The following SLC38A12 variants were observed in gnomAD, a reference collection of about 807,000 sequenced individuals.
The protein encoded by SLC38A12 is solute carrier family 38 member 12.
chr17:74,831,771 C>T, the SLC38A12 span, among the ~76,000 whole-genome samples: 8 of 152,220 alleles, frequency 5.3e-5, no homozygotes, highest in African/African-American at 1.9e-4. Context: ...GTCTGGGGAG[C>T]ACTTTCTGCT....
chr17:74,798,811 A>G, the SLC38A12 span, among the ~76,000 whole-genome samples: 5 of 151,586 alleles, frequency 3.3e-5, no homozygotes, highest in African/African-American at 1.2e-4. Flanking sequence ...AGCTCTTTCA[A>G]ACGGGTAACC....
chr17:74,809,349 G>C, the SLC38A12 span, among the ~76,000 whole-genome samples: 1 of 152,144 alleles, frequency 6.6e-6, no homozygotes, highest in African/African-American at 2.4e-5. Context: ...CCTTCCAGAC[G>C]CCTCTGGTTG....
the SLC38A12 span, among the ~76,000 whole-genome samples, chr17:74,800,754 T>C: frequency 6.6e-6 from 1 of 152,062 alleles, no homozygotes; most frequent in African/African-American, 2.4e-5. Flanking sequence ...TAGAACACAG[T>C]GAACACTGCC....
the SLC38A12 span, among the ~76,000 whole-genome samples, chr17:74,786,932 G>A: frequency 6.6e-6 from 1 of 152,102 alleles, no homozygotes; most frequent in Non-Finnish European, 1.5e-5. Flanking sequence ...TCCCAGGCAG[G>A]GGGTACCACA....
the SLC38A12 span, among the ~76,000 whole-genome samples, chr17:74,809,577 C>T: frequency 4.6e-5 from 7 of 152,204 alleles, no homozygotes; most frequent in Non-Finnish European, 8.8e-5. Context: ...GGTGCTGCTT[C>T]GGTTCTGTGC....
chr17:74,826,825 G>A, the SLC38A12 span, among the ~76,000 whole-genome samples: 1 of 152,214 alleles, frequency 6.6e-6, no homozygotes, highest in African/African-American at 2.4e-5. Context: ...TGGGGTAGTG[G>A]GGATTGCCTG....
At chr17:74,803,999 G>T in the SLC38A12 span, among the ~76,000 whole-genome samples, 1 of 152,176 alleles carries the variant, frequency 6.6e-6, no homozygotes, top group Non-Finnish European at 1.5e-5. Flanking sequence ...GAGTAACATG[G>T]AATGTTCTTC....
chr17:74,778,990 AC>A, the SLC38A12 span, among the ~76,000 whole-genome samples: 1 of 152,042 alleles, frequency 6.6e-6, no homozygotes, highest in Non-Finnish European at 1.5e-5. Context: ...TCTTTCATGA[AC>A]CCTGGAATGG....
the SLC38A12 span, chr17:74,836,962 A>C: frequency 3.2e-6 from 4 of 1,242,168 alleles, no homozygotes; most frequent in Non-Finnish European, 4.0e-6. The surrounding 1 kb of genome is among the most constrained non-coding windows in gnomAD (Gnocchi z 4.2). Context: ...CTGGAATCAC[A>C]CCTCTCCCAC....
At chr17:74,837,020 T>C in the SLC38A12 span, 1 of 1,107,444 alleles carries the variant, frequency 9.0e-7, no homozygotes, top group African/African-American at 1.6e-5. Flanking sequence ...GGCGGGCTAC[T>C]CCCTGCACAA....
the SLC38A12 span, among the ~76,000 whole-genome samples, chr17:74,790,772 TA>T: frequency 0.064 from 8,096 of 126,928 alleles, 476 homozygotes; most frequent in African/African-American, 0.16. Flanking sequence ...TGAATTCCCT[TA>T]AAAAAAAAAA....
the SLC38A12 span, among the ~76,000 whole-genome samples, chr17:74,819,592 C>A: frequency 1.3e-5 from 2 of 152,184 alleles, no homozygotes; most frequent in Non-Finnish European, 2.9e-5. Context: ...CTGGCACTTA[C>A]CCAAGGTGAC....
At chr17:74,812,951 T>C in the SLC38A12 span, among the ~76,000 whole-genome samples, 1 of 152,110 alleles carries the variant, frequency 6.6e-6, no homozygotes, top group Non-Finnish European at 1.5e-5. Flanking sequence ...CTCTAGAAAC[T>C]CCATCTCACT....
the SLC38A12 span, among the ~76,000 whole-genome samples, chr17:74,829,956 C>G: frequency 6.6e-6 from 1 of 152,204 alleles, no homozygotes; most frequent in Non-Finnish European, 1.5e-5. This position sits in a 1 kb window ranked among gnomAD's most constrained non-coding sequence, Gnocchi z 4.1. Flanking sequence ...CCTCTCCGTA[C>G]CTGCAGCTCA....
At chr17:74,833,342 C>G in the SLC38A12 span, among the ~76,000 whole-genome samples, 1 of 152,246 alleles carries the variant, frequency 6.6e-6, no homozygotes, top group Non-Finnish European at 1.5e-5. Context: ...GCTGAAGGTT[C>G]TAGAAGTTGT....
chr17:74,778,179 T>A, the SLC38A12 span, among the ~76,000 whole-genome samples: 1 of 152,260 alleles, frequency 6.6e-6, no homozygotes, highest in East Asian at 1.9e-4. Context: ...TCTCACTGTC[T>A]TAGGTCTGTG....
chr17:74,835,054 G>C, the SLC38A12 span, among the ~76,000 whole-genome samples: 1 of 152,228 alleles, frequency 6.6e-6, no homozygotes, highest in Non-Finnish European at 1.5e-5. Flanking sequence ...CAGCCCAGGA[G>C]GAGGGTCACC....
At chr17:74,826,057 A>G in the SLC38A12 span, among the ~76,000 whole-genome samples, 1 of 152,186 alleles carries the variant, frequency 6.6e-6, no homozygotes, top group Non-Finnish European at 1.5e-5. Flanking sequence ...CTGAAATTTT[A>G]TGTTTCCAAT....
At chr17:74,819,846 G>C in the SLC38A12 span, 1 of 1,613,222 alleles carries the variant, frequency 6.2e-7, no homozygotes, top group Non-Finnish European at 8.5e-7. Context: ...ATGGATCGGT[G>C]AGTCTGAGAA....
Sources: gnomAD v4.1 joint callset for allele counts (sites outside exome capture counted in the v4.1 genomes callset) on GRCh38, gnomAD v4.1.1 for gene constraint, Gnocchi (gnomAD v3.1) non-coding constraint, MANE v1.5 for transcripts, NCBI Gene and HGNC (gene_info 2026-07-23, HGNC 2026-07-21) for gene names.